The following USP34 variants were observed in gnomAD, a reference collection of about 807,000 sequenced individuals.
USP34 encodes the protein ubiquitin carboxyl-terminal hydrolase 34.
USP34 carries 70 observed loss-of-function variants against 460.3 expected under a neutral mutation model. The observed-to-expected ratio is 0.15, with a 90% CI of 0.13 to 0.19. The LOEUF (loss-of-function observed/expected upper bound fraction) is 0.19. Among genes scored for constraint, USP34 ranks in the 10% least tolerant of loss-of-function variants. The pLI is 1.00. For missense variants in USP34, 3,985 were observed against 4,236.2 expected, an observed-to-expected ratio of 0.94 and a Z score of 1.65; for synonymous variants, 1,647 against 1,405.3, an observed-to-expected ratio of 1.17 and a Z score of -3.85.
At chr2:61,296,997 A>G (rs1488403782) in intron 29 of USP34, 72 bp from the exon 30 acceptor site, 4 of 1,491,660 alleles carry the variant, frequency 2.7e-6, no homozygotes, top group Non-Finnish European at 3.6e-6. Context: ...AAATTTTTGC[A>G]TAAAGTAATG....
intron 34 of USP34, among the ~76,000 whole-genome samples, chr2:61,285,578 G>T (rs942315255): frequency 6.6e-6 from 1 of 151,658 alleles, no homozygotes; most frequent in Non-Finnish European, 1.5e-5. Context: ...CTTTACATTC[G>T]ATTCATAGAT....
chr2:61,260,328 A>C (rs1308104931), intron 43 of USP34, among the ~76,000 whole-genome samples: 1 of 152,212 alleles, frequency 6.6e-6, no homozygotes, highest in East Asian at 1.9e-4. Context: ...AGTATTGAAC[A>C]CCAAGCCTTA....
intron 25 of USP34, among the ~76,000 whole-genome samples, chr2:61,312,930 C>T (rs1002345284): frequency 2.6e-5 from 4 of 152,094 alleles, no homozygotes; most frequent in Admixed American, 6.5e-5. Flanking sequence ...AAAAAGTAAA[C>T]AAATTAAGAC....
At chr2:61,294,479 T>G (rs765257333) in intron 32 of USP34, among the ~76,000 whole-genome samples, 6 of 151,996 alleles carry the variant, frequency 3.9e-5, no homozygotes, top group African/African-American at 9.7e-5. Context: ...AGTGCTGTGG[T>G]GCGATCTCAG....
At chr2:61,457,607 A>G (rs1322520913) in intron 1 of USP34, among the ~76,000 whole-genome samples, 1 of 152,230 alleles carries the variant, frequency 6.6e-6, no homozygotes, top group Non-Finnish European at 1.5e-5. Flanking sequence ...TCACGCCTGT[A>G]ATCCCAGCAC....
At chr2:61,411,366 T>A (rs1282281788) in intron 2 of USP34, among the ~76,000 whole-genome samples, 2 of 139,014 alleles carry the variant, frequency 1.4e-5, no homozygotes, top group Admixed American at 7.6e-5. Flanking sequence ...AGGTGACAGA[T>A]CAAGATCCTG....
Position 61,301,179 on chromosome 2 carries a change from A to C in USP34, c.3919-19T>G, listed in dbSNP as rs1467665295. On this transcript the variant is annotated intron_variant, in intron 28 of 79. Coordinates refer to ENST00000398571, the MANE Select transcript of USP34 (RefSeq NM_014709.4). ...ATACCATCTATAAAAAACAGGAAAA[A>C]AAATTTATGCATATCAAGCTTTTAG... 6.3e-7 allele frequency: 1 copy of C among 1,579,272 alleles called. No homozygotes were observed. Among genetic ancestry groups the C allele is most frequent in the East Asian group, 2.2e-5 (1 of 44,608 alleles).
At chr2:61,465,849 C>A (rs1164926374) in intron 1 of USP34, among the ~76,000 whole-genome samples, 1 of 151,558 alleles carries the variant, frequency 6.6e-6, no homozygotes, top group Non-Finnish European at 1.5e-5. Context: ...TGGTAGCGGG[C>A]GCCTGTAGTT....
At chr2:61,220,190 A>AAAAAAC in intron 67 of USP34, 120 bp downstream of exon 67, 1 of 623,502 alleles carries the variant, frequency 1.6e-6, no homozygotes, top group Non-Finnish European at 2.4e-6. Context: ...AAAGGAAATA[A>AAAAAAC]CATCTCCAAG....
In USP34 at chr2:61,383,298, G is replaced by A. The variant is rs368370507; in HGVS notation, c.792C>T (p.His264=). 1.2e-5 allele frequency: 20 copies of A among 1,605,204 alleles called. No individual in the cohort carries two copies. In the African/African-American group the frequency reaches 1.6e-4, roughly 13 times the overall value. Residue 264 remains histidine (H), a synonymous_variant, in exon 6 of 80, where the codon CAC becomes CAT. Transcript: ENST00000398571. ...TAACATAGGTCCTAAAAGGTATAAT[G>A]TGCTGCATGACAGCGGGAATATGTA... is the stretch of plus-strand genomic sequence containing the variant. ...IWLHIPAVMQ[H]IIPFRTYVIR... is the part of the protein sequence containing the mutation.
At chr2:61,365,591 G>A (rs1026196531) in intron 10 of USP34, among the ~76,000 whole-genome samples, 2 of 151,878 alleles carry the variant, frequency 1.3e-5, no homozygotes, top group East Asian at 3.9e-4. Flanking sequence ...AAATCCATAA[G>A]AATAAATACA....
At chr2:61,381,881 T>C (rs1366125870) in intron 6 of USP34, among the ~76,000 whole-genome samples, 1 of 152,174 alleles carries the variant, frequency 6.6e-6, no homozygotes. Flanking sequence ...TCTCAAAGTC[T>C]TGTCTTTAAG....
At position 61,306,909 on chromosome 2, in the gene USP34, A is replaced by T. The variant is rs574904381; in HGVS notation, c.3817+4631T>A. Among the ~76,000 whole-genome samples, 4 of 152,308 alleles carry T rather than the reference A, an allele frequency of 2.6e-5. No individual in the cohort carries two copies. In the East Asian group the frequency reaches 5.8e-4, roughly 22 times the overall value. On this transcript the variant is annotated intron_variant, in intron 27 of 79. Coordinates refer to ENST00000398571, the MANE Select transcript of USP34 (RefSeq NM_014709.4). ...AACCATTGTGGAAGACAGTGTGGCGATTCCTCAGGGATCTAGAACTAGAAA... is the reference window on the plus strand; with the variant it reads ...AACCATTGTGGAAGACAGTGTGGCGTTTCCTCAGGGATCTAGAACTAGAAA...
chr2:61,381,608 A>G (rs1216083682), intron 6 of USP34, among the ~76,000 whole-genome samples: 1 of 152,158 alleles, frequency 6.6e-6, no homozygotes, highest in Non-Finnish European at 1.5e-5. Context: ...AAGTGCTGGG[A>G]TTACAGGCAT....
intron 41 of USP34, among the ~76,000 whole-genome samples, chr2:61,271,803 T>C (rs1689222996): frequency 6.6e-6 from 1 of 152,186 alleles, no homozygotes; most frequent in South Asian, 2.1e-4. Flanking sequence ...TGTTTCTTTA[T>C]AGAAAAAATT....
At chr2:61,454,153 T>C (rs993452933) in intron 1 of USP34, among the ~76,000 whole-genome samples, 1 of 152,208 alleles carries the variant, frequency 6.6e-6, no homozygotes, top group Non-Finnish European at 1.5e-5. Context: ...TTGGGGTTTT[T>C]CGAGAAGGAG....
At chr2:61,381,575 A>G (rs1212270945) in intron 6 of USP34, among the ~76,000 whole-genome samples, 1 of 152,066 alleles carries the variant, frequency 6.6e-6, no homozygotes, top group Non-Finnish European at 1.5e-5. Context: ...GGCTCAGGTG[A>G]TCCTCCCGCC....
chr2:61,446,011 G>A (rs1204826836), intron 1 of USP34, among the ~76,000 whole-genome samples: 1 of 150,904 alleles, frequency 6.6e-6, no homozygotes, highest in Non-Finnish European at 1.5e-5. Flanking sequence ...CACTCAGGAG[G>A]CTGAGGCAGG....
At chr2:61,248,239 C>A (rs933746085) in intron 49 of USP34, among the ~76,000 whole-genome samples, 16 of 151,244 alleles carry the variant, frequency 1.1e-4, no homozygotes, top group Admixed American at 9.2e-4. Flanking sequence ...AAGACTTACC[C>A]CACGAGATTT....
Sources: allele counts gnomAD v4.1 joint callset (sites outside exome capture counted in the v4.1 genomes callset), GRCh38; gene constraint gnomAD v4.1.1; transcripts MANE v1.5; gene names NCBI Gene and HGNC (gene_info 2026-07-23, HGNC 2026-07-21).